RBM25: variants seen among roughly 807,000 people sequenced by gnomAD.
RBM25 encodes RNA-binding protein 25.
RBM25 carries 19 observed loss-of-function variants against 120.7 expected under a neutral mutation model. That is an observed-to-expected ratio of 0.16 (90% CI 0.11 to 0.23). The LOEUF is 0.23. RBM25 is among the 10% of genes least tolerant of loss of function. The probability of loss-of-function intolerance (pLI) is 1.00; values close to 1 mark genes in which losing one functional copy is unlikely to be tolerated. For missense variants in RBM25, 605 were observed against 1,041.5 expected (o/e 0.58, Z 5.77); for synonymous variants, 390 against 326.7 (o/e 1.19, Z -2.09).
rs551819853 is a variant in RBM25, at chr14:73,099,813, G to T, written c.867+63G>T. 1.1e-5 allele frequency: 16 copies of T among 1,507,828 alleles called. No individual in the cohort carries two copies. In the African/African-American group the frequency reaches 1.4e-4, roughly 13 times the overall value. The allele number at this position is 1,507,828 out of a possible 1,614,324, so 93.4% of individuals were successfully genotyped here. A position where few individuals can be genotyped will look rare whatever the true frequency, so the allele number is the denominator to read the frequency against. On this transcript the variant is annotated intron_variant, in intron 9 of 18. Transcript: ENST00000261973. ...CTTTTTACAGAATCCAAAGCAAAGA[G>T]ACAAAAAAAATCAACCTTAAATTAG... is the stretch of plus-strand genomic sequence containing the variant.
rs928729362 is a variant in RBM25 at position 73,121,469 on chromosome 14, A to G, written c.*1664A>G. On this transcript the variant is annotated 3_prime_UTR_variant, in exon 19 of 19. Coordinates refer to ENST00000261973, the MANE Select transcript of RBM25 (RefSeq NM_021239.3). ...TCTAAAGGTCAAGGAAGCCATTTAC[A>G]TTATTTTGGATGAATCTACTATACA... 6.6e-6 allele frequency: 1 copy of G among 152,572 alleles called. No individual in the cohort carries two copies. The highest frequency in any genetic ancestry group is 6.5e-5 in the Admixed American group (1 of 15,278). 9.5% of individuals were successfully genotyped at this position (152,572 alleles called of 1,614,324 possible).
chr14:73,066,921 A>C (rs1258195153), intron 1 of RBM25, among the ~76,000 whole-genome samples: 2 of 152,296 alleles, frequency 1.3e-5, no homozygotes, highest in East Asian at 3.9e-4. Flanking sequence ...TATTTTACTT[A>C]TGAAATTGTG....
intron 6 of RBM25, among the ~76,000 whole-genome samples, chr14:73,092,787 G>A (rs1011015956): frequency 3.3e-5 from 5 of 151,764 alleles, no homozygotes; most frequent in Non-Finnish European, 5.9e-5. Context: ...GGCTGGTGTC[G>A]AACTCCTGGG....
At chr14:73,087,471 C>T (rs2140440386) in intron 5 of RBM25, among the ~76,000 whole-genome samples, 1 of 151,776 alleles carries the variant, frequency 6.6e-6, no homozygotes, top group South Asian at 2.1e-4. Context: ...TCTCGGCTCA[C>T]TGCAACCTCC....
intron 6 of RBM25, among the ~76,000 whole-genome samples, chr14:73,094,486 C>T (rs1468935290): frequency 5.9e-5 from 9 of 151,744 alleles, no homozygotes; most frequent in South Asian, 2.1e-4. Context: ...CTTGCTCTGT[C>T]GCCCAGGCTG....
Position 73,106,216 on chromosome 14 carries a change from C to G in RBM25, c.1398C>G (p.Ile466Met), listed in dbSNP as rs1028817169. The G allele has an allele frequency of 1.9e-6, 3 of 1,589,666 alleles. No homozygotes were observed. Among genetic ancestry groups the G allele is most frequent in the Non-Finnish European group, 2.6e-6 (3 of 1,171,272 alleles). Residue 466 changes from isoleucine to methionine, a missense_variant, in exon 12 of 19, where the codon ATC becomes ATG. By Grantham distance (10) the Ile-to-Met change is conservative. Transcript: ENST00000261973. ...AYQERLKNWEIRERKKTREYE... is the reference protein window; with the variant it reads ...AYQERLKNWEMRERKKTREYE... ...TTTAGCGCCTTAAGAATTGGGAAAT[C>G]AGAGAACGAAAGAAAACCCGGGAAT...
chr14:73,098,659 C>A (rs1355162624), intron 7 of RBM25, among the ~76,000 whole-genome samples: 3 of 152,036 alleles, frequency 2.0e-5, no homozygotes, highest in African/African-American at 7.2e-5. Flanking sequence ...CTACCCCCAC[C>A]CAAGACGGAG....
rs1896557703 is a variant in RBM25, at chr14:73,122,669, A to G, written c.*2864A>G. 1 of 152,190 alleles carries G rather than the reference A, an allele frequency of 6.6e-6. No individual in the cohort carries two copies. Among genetic ancestry groups the G allele is most frequent in the Admixed American group, 6.5e-5 (1 of 15,284 alleles). 9.4% of individuals were successfully genotyped at this position (152,190 alleles called of 1,614,324 possible). A position where few individuals can be genotyped will look rare whatever the true frequency, so the allele number is the denominator to read the frequency against. On this transcript the variant is annotated 3_prime_UTR_variant, in exon 19 of 19. Coordinates refer to ENST00000261973, the MANE Select transcript of RBM25 (RefSeq NM_021239.3). The stretch of plus-strand genomic sequence containing the variant: ...TTGTCCCTAAAAATAAAGTATGTAC[A>G]TCTGTTCACAAGGAAGAAAGGTAAG...
At chr14:73,106,316 T>G in intron 12 of RBM25, 31 bp downstream of exon 12, 2 of 1,535,886 alleles carry the variant, frequency 1.3e-6, no homozygotes, top group Non-Finnish European at 1.7e-6. Context: ...AAGTGATTTT[T>G]CAGGTAAAAA....
chr14:73,107,247 A>G (rs1896210113), intron 12 of RBM25: 1 of 152,648 alleles, frequency 6.6e-6, no homozygotes, highest in Admixed American at 6.5e-5. Flanking sequence ...TAGCGTATAT[A>G]TATAGTTTGC....
chr14:73,067,882 A>C (rs893376000), intron 1 of RBM25, among the ~76,000 whole-genome samples: 5 of 151,780 alleles, frequency 3.3e-5, no homozygotes, highest in African/African-American at 1.2e-4. Flanking sequence ...TACAGGTGTG[A>C]GCCACCGCGC....
At chr14:73,078,362 C>T (rs1895474810) in intron 4 of RBM25, among the ~76,000 whole-genome samples, 1 of 151,828 alleles carries the variant, frequency 6.6e-6, no homozygotes, top group African/African-American at 2.4e-5. Flanking sequence ...TGTGGTGATG[C>T]ACGCCTGTAG....
At chr14:73,102,553 T>C (rs969895043) in intron 9 of RBM25, 2 of 152,294 alleles carry the variant, frequency 1.3e-5, no homozygotes, top group Admixed American at 6.5e-5. Context: ...TACAGTTACA[T>C]ATATTTTGCT....
intron 4 of RBM25, among the ~76,000 whole-genome samples, chr14:73,080,214 T>C (rs12881077): frequency 1.9e-5 from 1 of 53,406 alleles, no homozygotes. Flanking sequence ...CTTACACATC[T>C]TTTTTTTTTT....
intron 15 of RBM25, 37 bp downstream of exon 15, chr14:73,111,192 C>T (rs887005545): frequency 5.3e-6 from 8 of 1,517,038 alleles, no homozygotes; most frequent in Non-Finnish European, 7.3e-6. Flanking sequence ...ATTTTCTTCC[C>T]TTCACCCCTG....
chr14:73,067,090 T>C (rs150923346), intron 1 of RBM25, among the ~76,000 whole-genome samples: 3,143 of 138,696 alleles, frequency 0.023, 118 homozygotes, highest in African/African-American at 0.072. Context: ...TTTTTTTTGA[T>C]GTGGATTCTT....
rs899184307 is a variant in RBM25 at position 73,064,661 on chromosome 14, G to A, written c.-16+5956G>A. ...GCCCGCCTCAGCCTCCCAAAGTGCT[G>A]GGATTACAGATGTGAGCCACCGCGC... is the stretch of plus-strand genomic sequence containing the variant. On this transcript the variant is annotated intron_variant, in intron 1 of 18. Transcript: ENST00000261973. Among the ~76,000 whole-genome samples the A allele has an allele frequency of 7.3e-5, 11 of 151,352 alleles. No homozygotes were observed. The South Asian group carries it at 2.1e-3, about 29-fold the overall frequency.
In RBM25 at chr14:73,110,812, A is replaced by T; in HGVS notation, c.1693-19A>T. ...ATGGTGTAGAGTTGTAGTTAATCAGATTATTGTTTGGGTTTTAGATGGAAC... is the reference window on the plus strand; with the variant it reads ...ATGGTGTAGAGTTGTAGTTAATCAGTTTATTGTTTGGGTTTTAGATGGAAC... On this transcript the variant is annotated intron_variant, in intron 14 of 18. Transcript: ENST00000261973. 1 of 1,588,932 alleles carries T rather than the reference A, an allele frequency of 6.3e-7. No individual in the cohort carries two copies. Among genetic ancestry groups the T allele is most frequent in the Middle Eastern group, 1.7e-4 (1 of 5,896 alleles).
intron 10 of RBM25, among the ~76,000 whole-genome samples, chr14:73,104,928 C>G (rs1896147715): frequency 6.6e-6 from 1 of 152,008 alleles, no homozygotes; most frequent in South Asian, 2.1e-4. Context: ...TTATTTCATT[C>G]TGTCCATTCC....
Sources: allele counts gnomAD v4.1 joint callset (sites outside exome capture counted in the v4.1 genomes callset), GRCh38; gene constraint gnomAD v4.1.1; transcripts MANE v1.5; gene names NCBI Gene and HGNC (gene_info 2026-07-23, HGNC 2026-07-21).